The following ADGB variants were observed in gnomAD, a reference collection of about 807,000 sequenced individuals.
ADGB encodes calpain-7-like protein.
ADGB carries 172 observed loss-of-function variants against 210.5 expected under a neutral mutation model. The ratio of observed to expected loss-of-function variants is 0.82; its 90% confidence interval spans 0.72 to 0.93. The LOEUF (loss-of-function observed/expected upper bound fraction) is 0.93. Among genes scored for constraint, ADGB ranks in the 40% least tolerant of loss-of-function variants. The pLI, the probability that ADGB is intolerant of heterozygous loss-of-function variation, is 0.00. For synonymous variants in ADGB, 658 were observed against 662.7 expected, an observed-to-expected ratio of 0.99 and a Z score of 0.11; for missense variants, 2,025 against 1,964.8, an observed-to-expected ratio of 1.03 and a Z score of -0.58.
chr6:146,651,294 C>T (rs1262256503), intron 3 of ADGB, among the ~76,000 whole-genome samples: 2 of 152,160 alleles, frequency 1.3e-5, no homozygotes, highest in Admixed American at 6.5e-5. Context: ...GGAAACTAGG[C>T]GTACAGGCTG....
At position 146,728,713 on chromosome 6, in the gene ADGB, A is replaced by T; in HGVS notation, c.2492A>T (p.Asp831Val). Residue 831 changes from aspartate (D) to valine (V), a missense_variant, in exon 20 of 36, where the codon GAT becomes GTT. Physicochemically the swap from Asp to Val is radical, Grantham distance 152 (BLOSUM62 -3). Coordinates refer to ENST00000397944, the MANE Select transcript of ADGB (RefSeq NM_024694.4). ...QTAHYPVPFH[D>V]KELTAQHFRV... is the part of the protein sequence containing the mutation. ...GCTCACTACCCTGTCCCCTTCCATG[A>T]TAAAGAACTAACTGCACAGCACTTC... 3.9e-6 allele frequency: 6 copies of T among 1,550,852 alleles called. No homozygotes were observed. The highest frequency in any genetic ancestry group is 5.2e-6 in the Non-Finnish European group (6 of 1,146,410).
At chr6:146,803,014 C>T in intron 35 of ADGB, 2 of 1,606,732 alleles carry the variant, frequency 1.2e-6, no homozygotes, top group Non-Finnish European at 1.7e-6. Context: ...ACATATTCTT[C>T]AAATTTGCTT....
At chr6:146,678,955 G>C (rs1469972761) in intron 9 of ADGB, among the ~76,000 whole-genome samples, 1 of 152,180 alleles carries the variant, frequency 6.6e-6, no homozygotes, top group African/African-American at 2.4e-5. Context: ...GCATTGAAGA[G>C]ACCCATTCTC....
intron 33 of ADGB, among the ~76,000 whole-genome samples, chr6:146,793,140 A>G (rs893883776): frequency 8.6e-5 from 13 of 151,904 alleles, no homozygotes; most frequent in African/African-American, 1.7e-4. Flanking sequence ...CCTTTTTTCA[A>G]TCCTCCCCAC....
chr6:146,709,870 G>A (rs550865861), intron 13 of ADGB, among the ~76,000 whole-genome samples: 72 of 152,102 alleles, frequency 4.7e-4, no homozygotes, highest in Non-Finnish European at 9.7e-4. Context: ...GCTACATTCA[G>A]TTGCTATAAC....
chr6:146,709,753 C>T (rs943746489), intron 13 of ADGB, among the ~76,000 whole-genome samples: 1 of 152,126 alleles, frequency 6.6e-6, no homozygotes, highest in African/African-American at 2.4e-5. Flanking sequence ...TTCTTACTTC[C>T]TTTTCCTTCT....
Position 146,656,795 on chromosome 6 carries a change from A to C in ADGB, c.427A>C (p.Ile143Leu), listed in dbSNP as rs1775788118. 1 of 1,546,392 alleles carries C rather than the reference A, an allele frequency of 6.5e-7. No individual in the cohort carries two copies. Among genetic ancestry groups the C allele is most frequent in the Non-Finnish European group, 8.7e-7 (1 of 1,144,590 alleles). Residue 143 changes from isoleucine (I) to leucine (L), a missense_variant, in exon 5 of 36, where the codon ATC becomes CTC. Coordinates refer to ENST00000397944, the MANE Select transcript of ADGB (RefSeq NM_024694.4). Reference protein sequence around the residue: ...SELMRWIISEIYAVWKIFNGG... With the variant: ...SELMRWIISELYAVWKIFNGG... Reference sequence around the variant, plus strand: ...GCTGATGAGATGGATTATCAGTGAAATCTATGCAGTGTGGAAGATCTTCAA... The same window carrying C: ...GCTGATGAGATGGATTATCAGTGAACTCTATGCAGTGTGGAAGATCTTCAA...
At chr6:146,634,067 G>A (rs543531776) in intron 1 of ADGB, among the ~76,000 whole-genome samples, 22 of 152,066 alleles carry the variant, frequency 1.4e-4, no homozygotes, top group Admixed American at 3.9e-4. Context: ...CTTTTATACC[G>A]TGTTTTTACT....
chr6:146,696,149 C>A (rs1776399454), intron 12 of ADGB, among the ~76,000 whole-genome samples: 1 of 151,492 alleles, frequency 6.6e-6, no homozygotes, highest in South Asian at 2.1e-4. Context: ...AATCTTGGCT[C>A]ACTGCAACCT....
chr6:146,734,554 A>G (rs1379972882), intron 22 of ADGB, among the ~76,000 whole-genome samples: 1 of 152,244 alleles, frequency 6.6e-6, no homozygotes, highest in East Asian at 1.9e-4. Context: ...GTGTTCTTAA[A>G]TTTATTAAAT....
At chr6:146,747,957 A>G (rs1042544635) in intron 26 of ADGB, among the ~76,000 whole-genome samples, 1 of 151,146 alleles carries the variant, frequency 6.6e-6, no homozygotes, top group East Asian at 1.9e-4. Flanking sequence ...TAATTTTTGT[A>G]TTTTTTGTAG....
chr6:146,707,066 C>A (rs147445485), intron 13 of ADGB, among the ~76,000 whole-genome samples: 1 of 152,038 alleles, frequency 6.6e-6, no homozygotes, highest in African/African-American at 2.4e-5. Context: ...TTTCATTTGT[C>A]TCAAGATATT....
At chr6:146,783,325 G>C (rs1777827989) in intron 30 of ADGB, among the ~76,000 whole-genome samples, 1 of 152,058 alleles carries the variant, frequency 6.6e-6, no homozygotes, top group Non-Finnish European at 1.5e-5. Context: ...ATGACTTGTT[G>C]TTTCAGACTC....
At chr6:146,727,763 G>A (rs757464827) in intron 19 of ADGB, among the ~76,000 whole-genome samples, 1 of 152,088 alleles carries the variant, frequency 6.6e-6, no homozygotes, top group African/African-American at 2.4e-5. Flanking sequence ...TTCACCTTAG[G>A]GAGAAACACC....
chr6:146,648,945 A>G (rs147809199), intron 3 of ADGB, among the ~76,000 whole-genome samples: 1 of 152,036 alleles, frequency 6.6e-6, no homozygotes, highest in East Asian at 1.9e-4. Flanking sequence ...CAAATTTTAG[A>G]AACACATATA....
At chr6:146,802,210 A>C in intron 35 of ADGB, 199 bp downstream of exon 35, 8 of 296,136 alleles carry the variant, frequency 2.7e-5, no homozygotes, top group Non-Finnish European at 3.0e-5. Context: ...TCCCCCTAAA[A>C]TGCAGTATTG....
intron 12 of ADGB, among the ~76,000 whole-genome samples, chr6:146,693,327 C>G (rs1005034338): frequency 6.6e-6 from 1 of 152,114 alleles, no homozygotes; most frequent in Non-Finnish European, 1.5e-5. Context: ...CTCTCTCTCT[C>G]TGTCTCTTTC....
intron 4 of ADGB, among the ~76,000 whole-genome samples, chr6:146,655,297 T>A (rs1216726621): frequency 2.6e-5 from 4 of 152,092 alleles, no homozygotes; most frequent in Non-Finnish European, 5.9e-5. Flanking sequence ...TACAGTGATG[T>A]TGTATGATGT....
At chr6:146,794,469 A>C (rs2114657286) in intron 33 of ADGB, among the ~76,000 whole-genome samples, 1 of 152,296 alleles carries the variant, frequency 6.6e-6, no homozygotes. Context: ...AAAATTAAAA[A>C]ATAATTTGGA....
Sources: gnomAD v4.1 joint callset for allele counts (sites outside exome capture counted in the v4.1 genomes callset) on GRCh38, gnomAD v4.1.1 for gene constraint, MANE v1.5 for transcripts, NCBI Gene and HGNC (gene_info 2026-07-23, HGNC 2026-07-21) for gene names.